Variants in CDH18 observed in about 807,000 individuals in gnomAD.
CDH18 encodes the protein cadherin-18.
CDH18 carries 31 observed loss-of-function variants against 67.9 expected under a neutral mutation model. That is an observed-to-expected ratio of 0.46 (90% CI 0.34 to 0.62). The LOEUF is 0.62. CDH18 is among the 20% of genes least tolerant of loss of function. The probability of loss-of-function intolerance (pLI) is 0.01; values close to 1 mark genes in which losing one functional copy is unlikely to be tolerated. For synonymous variants in CDH18, 362 were observed against 347.2 expected, an observed-to-expected ratio of 1.04 and a Z score of -0.48; for missense variants, 890 against 975.5, an observed-to-expected ratio of 0.91 and a Z score of 1.17.
chr5:19,805,747 A>G (rs2149870981), intron 3 of CDH18, among the ~76,000 whole-genome samples: 1 of 152,160 alleles, frequency 6.6e-6, no homozygotes, highest in East Asian at 1.9e-4. Flanking sequence ...AAGTCGTGTC[A>G]ATTCTACATC....
chr5:20,128,022 TG>T (rs1259872087), intron 2 of CDH18, among the ~76,000 whole-genome samples: 1 of 152,094 alleles, frequency 6.6e-6, no homozygotes, highest in Non-Finnish European at 1.5e-5. Context: ...CTGCTGATCA[TG>T]GTCCCTGACA....
At chr5:20,372,771 G>C (rs909223060) in intron 1 of CDH18, among the ~76,000 whole-genome samples, 2 of 152,042 alleles carry the variant, frequency 1.3e-5, no homozygotes, top group Non-Finnish European at 2.9e-5. Context: ...CCTCATATTG[G>C]ATGATTTTTA....
chr5:20,003,943 CATA>C (rs754544487), intron 2 of CDH18, among the ~76,000 whole-genome samples: 3 of 152,136 alleles, frequency 2.0e-5, no homozygotes, highest in Non-Finnish European at 2.9e-5. Flanking sequence ...AAACAAAAGA[CATA>C]ATAACAAAAT....
chr5:20,558,922 T>A (rs1172440405), intron 1 of CDH18, among the ~76,000 whole-genome samples: 1 of 151,748 alleles, frequency 6.6e-6, no homozygotes, highest in African/African-American at 2.4e-5. Flanking sequence ...GAAAGTGGGT[T>A]GATTTCAAAT....
intron 1 of CDH18, among the ~76,000 whole-genome samples, chr5:20,345,632 A>G (rs1018906909): frequency 6.6e-6 from 1 of 152,136 alleles, no homozygotes; most frequent in Non-Finnish European, 1.5e-5. Flanking sequence ...TAAGATAGGA[A>G]ATGGAAATTA....
At chr5:20,463,241 G>A (rs1186632741) in intron 1 of CDH18, among the ~76,000 whole-genome samples, 2 of 140,968 alleles carry the variant, frequency 1.4e-5, no homozygotes, top group Non-Finnish European at 3.3e-5. Context: ...GTGCTTTTGT[G>A]ATGCAATTCT....
chr5:19,798,769 AT>A (rs1183131180), intron 3 of CDH18, among the ~76,000 whole-genome samples: 2 of 152,094 alleles, frequency 1.3e-5, no homozygotes, highest in Non-Finnish European at 2.9e-5. Context: ...TAATTCAAAT[AT>A]TGATTAAAAT....
intron 2 of CDH18, among the ~76,000 whole-genome samples, chr5:19,995,641 G>T (rs1735947380): frequency 1.3e-5 from 2 of 150,336 alleles, no homozygotes; most frequent in African/African-American, 4.9e-5. Context: ...CATGCCAAAA[G>T]GTCTAGTATA....
chr5:20,318,701 G>A (rs748769059), intron 1 of CDH18, among the ~76,000 whole-genome samples: 10 of 152,206 alleles, frequency 6.6e-5, no homozygotes, highest in African/African-American at 9.6e-5. Flanking sequence ...AGATGGTGAC[G>A]ATGGTGACAT....
At chr5:20,400,227 C>G (rs1007599985) in intron 1 of CDH18, among the ~76,000 whole-genome samples, 2 of 152,086 alleles carry the variant, frequency 1.3e-5, no homozygotes, top group African/African-American at 4.8e-5. Context: ...TAAGAATGTT[C>G]ACAGACCCTT....
At chr5:19,910,291 T>C (rs1790989923) in intron 2 of CDH18, among the ~76,000 whole-genome samples, 1 of 152,136 alleles carries the variant, frequency 6.6e-6, no homozygotes, top group Non-Finnish European at 1.5e-5. Flanking sequence ...TCTTCTAACG[T>C]GTCTCAGCTA....
intron 3 of CDH18, among the ~76,000 whole-genome samples, chr5:19,792,182 C>T (rs1308312468): frequency 2.6e-5 from 4 of 152,064 alleles, no homozygotes; most frequent in Non-Finnish European, 5.9e-5. Context: ...AAAGATCCCC[C>T]TCCCCAGAGT....
chr5:20,170,073 T>C (rs2126642335), intron 2 of CDH18, among the ~76,000 whole-genome samples: 1 of 152,264 alleles, frequency 6.6e-6, no homozygotes, highest in Admixed American at 6.6e-5. Context: ...TGCAGGTTTG[T>C]TACATATGTA....
intron 3 of CDH18, among the ~76,000 whole-genome samples, chr5:19,830,082 A>C (rs2149988812): frequency 6.6e-6 from 1 of 152,324 alleles, no homozygotes; most frequent in African/African-American, 2.4e-5. Flanking sequence ...AAAGCTATAA[A>C]AACCCTGGAA....
intron 2 of CDH18, among the ~76,000 whole-genome samples, chr5:20,211,391 A>T (rs1740342685): frequency 6.6e-6 from 1 of 152,144 alleles, no homozygotes; most frequent in Non-Finnish European, 1.5e-5. Flanking sequence ...TGAAGAGAGT[A>T]GTGGTTCTCC....
intron 9 of CDH18, among the ~76,000 whole-genome samples, chr5:19,541,955 T>G (rs1262926756): frequency 6.6e-6 from 1 of 152,208 alleles, no homozygotes; most frequent in Non-Finnish European, 1.5e-5. Flanking sequence ...TTACTAAGGA[T>G]TCACAATTGC....
intron 10 of CDH18, among the ~76,000 whole-genome samples, chr5:19,511,011 C>T (rs1745030604): frequency 6.6e-6 from 1 of 152,162 alleles, no homozygotes; most frequent in South Asian, 2.1e-4. Flanking sequence ...GGGGTTTTGC[C>T]ATGTTGGGCA....
At chr5:19,805,794 A>G (rs1019541830) in intron 3 of CDH18, among the ~76,000 whole-genome samples, 3 of 151,880 alleles carry the variant, frequency 2.0e-5, no homozygotes, top group African/African-American at 7.3e-5. Flanking sequence ...CCTTCTCTCA[A>G]TTTCTTCTAC....
At chr5:19,559,317 T>TA (rs1477243868) in intron 8 of CDH18, among the ~76,000 whole-genome samples, 1 of 152,084 alleles carries the variant, frequency 6.6e-6, no homozygotes, top group African/African-American at 2.4e-5. Flanking sequence ...ATCAAAAAGA[T>TA]AATCCACCAT....
Sources: allele counts gnomAD v4.1 joint callset (sites outside exome capture counted in the v4.1 genomes callset), GRCh38; gene constraint gnomAD v4.1.1; transcripts MANE v1.5; gene names NCBI Gene and HGNC (gene_info 2026-07-23, HGNC 2026-07-21).